Variants in RGS22 observed in about 807,000 individuals in gnomAD.
RGS22 encodes regulator of G-protein signaling 22.
A neutral mutation model predicts 172.9 loss-of-function variants in RGS22; 148 were observed. The ratio of observed to expected loss-of-function variants is 0.86; its 90% CI spans 0.75 to 0.98. The LOEUF is 0.98. Ranked by LOEUF, RGS22 falls within the 50% of genes least tolerant of loss-of-function variation. The pLI is 0.00. For missense variants in RGS22, 1,347 were observed against 1,440.8 expected (o/e 0.93, Z 1.05); for synonymous variants, 458 against 480.2 (o/e 0.95, Z 0.60).
intron 14 of RGS22, among the ~76,000 whole-genome samples, chr8:100,033,463 A>T (rs1819076347): frequency 6.6e-6 from 1 of 151,880 alleles, no homozygotes; most frequent in African/African-American, 2.4e-5. Context: ...CCAAGACTAA[A>T]CCAGGAAGAA....
chr8:100,105,061 A>C (rs755057326), intron 2 of RGS22, among the ~76,000 whole-genome samples: 5 of 152,252 alleles, frequency 3.3e-5, no homozygotes, highest in Non-Finnish European at 2.9e-5. Context: ...CAGCCACATC[A>C]TAATACAGCC....
intron 6 of RGS22, among the ~76,000 whole-genome samples, chr8:100,068,708 A>C (rs1489301124): frequency 1.3e-5 from 2 of 152,118 alleles, no homozygotes; most frequent in Non-Finnish European, 2.9e-5. Flanking sequence ...GAGGTGAGTG[A>C]ATTGCTGGAG....
chr8:100,012,516 A>G (rs1816497348), intron 14 of RGS22, among the ~76,000 whole-genome samples: 2 of 152,018 alleles, frequency 1.3e-5, no homozygotes, highest in Admixed American at 6.6e-5. Context: ...CAGGAGTTCG[A>G]GATTACAGTG....
intron 14 of RGS22, among the ~76,000 whole-genome samples, chr8:100,019,657 C>T (rs540551493): frequency 9.2e-5 from 14 of 152,150 alleles, no homozygotes; most frequent in African/African-American, 3.4e-4. Flanking sequence ...TATCGTATTC[C>T]AGAGATTAGG....
At chr8:100,003,874 T>C (rs2131341730) in intron 17 of RGS22, 52 bp downstream of exon 17, 3 of 1,418,030 alleles carry the variant, frequency 2.1e-6, no homozygotes, top group Non-Finnish European at 1.9e-6. Flanking sequence ...GAATCAAAAA[T>C]AGTAGCTTAG....
At position 100,078,605 on chromosome 8, in the gene RGS22, A is replaced by G. The variant is rs199737571; in HGVS notation, c.339+1529T>C. The stretch of plus-strand genomic sequence containing the variant: ...GTACTTTTTAATTCCTTTGATCTCC[A>G]CTATTGTTTTTATTTTTATTTATTT... On this transcript the variant is annotated intron_variant, in intron 4 of 27. Coordinates refer to ENST00000360863, the MANE Select transcript of RGS22 (RefSeq NM_015668.5). Among the ~76,000 whole-genome samples, 8 of 150,952 alleles carry G rather than the reference A, an allele frequency of 5.3e-5. No homozygotes were observed. In the East Asian group the frequency reaches 1.6e-3, roughly 29 times the overall value.
intron 9 of RGS22, among the ~76,000 whole-genome samples, chr8:100,056,064 A>G (rs866917561): frequency 6.6e-6 from 1 of 152,292 alleles, no homozygotes; most frequent in Middle Eastern, 3.4e-3. Context: ...ATTGACCAAA[A>G]TGGTGATAGT....
chr8:99,964,053 C>G (rs780430837), intron 24 of RGS22, among the ~76,000 whole-genome samples: 22 of 149,486 alleles, frequency 1.5e-4, no homozygotes, highest in Non-Finnish European at 2.2e-4. Context: ...TCACCACCAT[C>G]ATCATCATCA....
chr8:100,030,958 T>C (rs1211578574), intron 14 of RGS22, among the ~76,000 whole-genome samples: 1 of 152,136 alleles, frequency 6.6e-6, no homozygotes, highest in Admixed American at 6.6e-5. Context: ...ACAAAAATTA[T>C]ATGTAAAATG....
At chr8:100,030,359 A>AT (rs1394951612) in intron 14 of RGS22, among the ~76,000 whole-genome samples, 1 of 152,166 alleles carries the variant, frequency 6.6e-6, no homozygotes, top group African/African-American at 2.4e-5. Flanking sequence ...ATTTTTTATC[A>AT]TTTTTTTAGA....
rs1418887510 is a variant in RGS22 at position 100,069,713 on chromosome 8, G to A, written c.594+1656C>T. Among the ~76,000 whole-genome samples, 7 of 152,124 alleles carry A rather than the reference G, an allele frequency of 4.6e-5. No individual in the cohort carries two copies. The East Asian group carries it at 1.3e-3, about 29-fold the overall frequency. On this transcript the variant is annotated intron_variant, in intron 6 of 27. Transcript: ENST00000360863. ...CATGGATATAATTCAAGTTACTCTT[G>A]CTTCCCAGGTGACACAGCATGTTCT...
chr8:100,063,269 A>G (rs1261507196), intron 8 of RGS22, 147 bp downstream of exon 8: 1 of 530,210 alleles, frequency 1.9e-6, no homozygotes, highest in East Asian at 3.1e-5. Context: ...TTACTATTAT[A>G]ATAAGTTTTA....
Position 100,062,801 on chromosome 8 carries a change from T to G in RGS22, c.1353-49A>C, listed in dbSNP as rs1022227692. ...TATACACACACACATTGGTAGAATA[T>G]TCAACTACCAAAATGTAGTTGAATA... On this transcript the variant is annotated intron_variant, in intron 8 of 27. Coordinates refer to ENST00000360863, the MANE Select transcript of RGS22 (RefSeq NM_015668.5). The G allele has an allele frequency of 4.3e-6, 6 of 1,395,416 alleles. No homozygotes were observed. In the Middle Eastern group the frequency reaches 6.5e-4, roughly 152 times the overall value. 86.4% of individuals were successfully genotyped at this position (1,395,416 alleles called of 1,614,324 possible).
At position 100,105,421 on chromosome 8, in the gene RGS22, T is replaced by C; in HGVS notation, c.26-19A>G. 1.3e-6 allele frequency: 2 copies of C among 1,590,966 alleles called. No homozygotes were observed. Among genetic ancestry groups the C allele is most frequent in the Middle Eastern group, 1.7e-4 (1 of 6,024 alleles). ...GGTGGCTCTGAAACAAGACAAAATA[T>C]TACATTATCTCCCTCAAATCTGATT... On this transcript the variant is annotated intron_variant, in intron 1 of 27. Coordinates refer to ENST00000360863, the MANE Select transcript of RGS22 (RefSeq NM_015668.5).
intron 23 of RGS22, among the ~76,000 whole-genome samples, chr8:99,967,663 G>C (rs1810892676): frequency 6.6e-6 from 1 of 152,176 alleles, no homozygotes; most frequent in African/African-American, 2.4e-5. Flanking sequence ...AAGCAGCTGT[G>C]GCCAGACTGC....
chr8:100,000,585 T>C (rs1814936438), intron 18 of RGS22, among the ~76,000 whole-genome samples: 1 of 152,176 alleles, frequency 6.6e-6, no homozygotes, highest in Non-Finnish European at 1.5e-5. Flanking sequence ...TTTGCTATGA[T>C]AGCAATGGGT....
intron 9 of RGS22, among the ~76,000 whole-genome samples, chr8:100,058,357 T>C (rs1194866229): frequency 1.3e-5 from 2 of 152,042 alleles, no homozygotes; most frequent in African/African-American, 4.8e-5. Context: ...AAGAAGGTTA[T>C]AGAACACCAA....
intron 20 of RGS22, 133 bp from the exon 21 acceptor site, chr8:99,987,752 T>G (rs1271183052): frequency 1.9e-6 from 1 of 535,178 alleles, no homozygotes; most frequent in African/African-American, 1.9e-5. Flanking sequence ...TTTCACCTAT[T>G]CCTTTCTCTT....
At position 100,002,405 on chromosome 8, in the gene RGS22, CT is replaced by C. The variant is rs1210563165; in HGVS notation, c.2628-42del. On this transcript the variant is annotated intron_variant, in intron 17 of 27. Coordinates refer to ENST00000360863, the MANE Select transcript of RGS22 (RefSeq NM_015668.5). ...AAACAATGTATAGCTCTTCATATTT[CT>C]TCCTCTAAATTCTAGTAAACACCCG... 4 of 1,550,734 alleles carry C rather than the reference CT, an allele frequency of 2.6e-6. No individual in the cohort carries two copies. The East Asian group carries it at 9.3e-5, about 36-fold the overall frequency.
Sources: allele counts gnomAD v4.1 joint callset (sites outside exome capture counted in the v4.1 genomes callset), GRCh38; gene constraint gnomAD v4.1.1; transcripts MANE v1.5; gene names NCBI Gene and HGNC (gene_info 2026-07-23, HGNC 2026-07-21).